RBM33: variants seen among roughly 807,000 people sequenced by gnomAD.
The protein encoded by RBM33 is RNA binding motif protein 33.
Under a neutral mutation model 132.6 loss-of-function variants are expected in RBM33, and 28 were observed. The ratio of observed to expected loss-of-function variants is 0.21; its 90% confidence interval spans 0.16 to 0.29. The LOEUF is 0.29. Ranked by LOEUF, RBM33 falls within the 10% of genes least tolerant of loss-of-function variation. RBM33 has a pLI of 1.00. For synonymous variants in RBM33, 634 were observed against 593.0 expected (o/e 1.07, Z -1.01); for missense variants, 1,291 against 1,518.5 (o/e 0.85, Z 2.49).
In RBM33 at chr7:155,653,018, G is replaced by A. The variant is rs554856783; in HGVS notation, c.43+8099G>A. Among the ~76,000 whole-genome samples, 9 of 152,250 alleles carry A rather than the reference G, an allele frequency of 5.9e-5. 1 individual carries two copies. Among genetic ancestry groups the A allele is most frequent in the Middle Eastern group, 6.8e-3 (2 of 294 alleles). ...GATGTCTTCAAGATTCATCAGTGTCGTAGCATGTGTCAGAACTTCCTTTTT... is the reference window on the plus strand; with the variant it reads ...GATGTCTTCAAGATTCATCAGTGTCATAGCATGTGTCAGAACTTCCTTTTT... On this transcript the variant is annotated intron_variant, in intron 1 of 17. Transcript: ENST00000401878.
At chr7:155,660,146 T>A (rs900994390) in intron 1 of RBM33, among the ~76,000 whole-genome samples, 1 of 152,226 alleles carries the variant, frequency 6.6e-6, no homozygotes, top group Admixed American at 6.5e-5. Context: ...CATAGCTGAC[T>A]GACTACACCC....
At chr7:155,714,087 C>T (rs1425379131) in intron 8 of RBM33, among the ~76,000 whole-genome samples, 6 of 151,852 alleles carry the variant, frequency 4.0e-5, no homozygotes, top group African/African-American at 1.2e-4. Context: ...AGTGGATGTG[C>T]GCAGGGATGG....
At chr7:155,653,073 A>G (rs927206851) in intron 1 of RBM33, among the ~76,000 whole-genome samples, 1 of 152,076 alleles carries the variant, frequency 6.6e-6, no homozygotes, top group Non-Finnish European at 1.5e-5. Context: ...TTATATATCT[A>G]TACTATTTTT....
At chr7:155,761,317 G>C (rs1390446708) in intron 14 of RBM33, among the ~76,000 whole-genome samples, 5 of 152,168 alleles carry the variant, frequency 3.3e-5, no homozygotes, top group African/African-American at 1.2e-4. Context: ...GTAATACCAG[G>C]CCCAAAGAAT....
chr7:155,655,723 C>A (rs1198942809), intron 1 of RBM33, among the ~76,000 whole-genome samples: 2 of 151,940 alleles, frequency 1.3e-5, no homozygotes, highest in Admixed American at 1.3e-4. Flanking sequence ...GCATAAAGGA[C>A]TTCTGTTTCG....
In RBM33 at chr7:155,762,840, C is replaced by T. The variant is rs961625791; in HGVS notation, c.2980-972C>T. On this transcript the variant is annotated intron_variant, in intron 14 of 17. Coordinates refer to ENST00000401878, the MANE Select transcript of RBM33 (RefSeq NM_053043.3). ...CTCCCTGTCGATGTTGAGAGTGGGC[C>T]TCGTGCTAATAAAAGCCTCCGTCTT... is the stretch of plus-strand genomic sequence containing the variant. 2.6e-5 allele frequency among the ~76,000 whole-genome samples: 4 copies of T among 152,304 alleles called. No individual in the cohort carries two copies. The East Asian group carries it at 7.7e-4, about 29-fold the overall frequency.
At position 155,644,794 on chromosome 7, in the gene RBM33, A is replaced by T; in HGVS notation, c.-83A>T. 2.5e-6 allele frequency: 3 copies of T among 1,202,852 alleles called. No individual in the cohort carries two copies. The highest frequency in any genetic ancestry group is 2.2e-6 in the Non-Finnish European group (2 of 904,676). The allele number at this position is 1,202,852 out of a possible 1,614,324, so 74.5% of individuals were successfully genotyped here. On this transcript the variant is annotated 5_prime_UTR_variant, in exon 1 of 18. Transcript: ENST00000401878. ...CCCCCTCCCTTCTCTGTCCTCCGTC[A>T]CCCGTACCCGGGCCCGGACCAGGCA... is the stretch of plus-strand genomic sequence containing the variant.
chr7:155,673,072 C>G lies in RBM33; in HGVS notation c.171+157C>G, dbSNP rs573584568. Among the ~76,000 whole-genome samples, 8 of 152,228 alleles carry G rather than the reference C, an allele frequency of 5.3e-5. No homozygotes were observed. In the South Asian group the frequency reaches 1.7e-3, roughly 32 times the overall value. On this transcript the variant is annotated intron_variant, in intron 3 of 17. Transcript: ENST00000401878. ...ATTTTTTAAGTGCGCAGGGAATTGACTGTTTATTAGTAAATTCTCTGGTAA... is the reference window on the plus strand; with the variant it reads ...ATTTTTTAAGTGCGCAGGGAATTGAGTGTTTATTAGTAAATTCTCTGGTAA...
At chr7:155,711,115 A>G (rs1218785851) in intron 7 of RBM33, 88 bp from the exon 8 acceptor site, 6 of 1,414,992 alleles carry the variant, frequency 4.2e-6, no homozygotes, top group African/African-American at 1.5e-5. Flanking sequence ...GTAACACATC[A>G]GCATTCTTTT....
At chr7:155,665,731 T>C (rs1011330736) in intron 2 of RBM33, among the ~76,000 whole-genome samples, 2 of 152,214 alleles carry the variant, frequency 1.3e-5, no homozygotes, top group African/African-American at 2.4e-5. Flanking sequence ...TGTTTAGGAA[T>C]ACACACAAAC....
At chr7:155,680,948 C>T in intron 5 of RBM33, 40 bp downstream of exon 5, 4 of 1,535,566 alleles carry the variant, frequency 2.6e-6, no homozygotes, top group African/African-American at 1.4e-5. Flanking sequence ...GATAACCTGG[C>T]TTCCCATGCA....
chr7:155,649,677 C>A (rs574486200), intron 1 of RBM33, among the ~76,000 whole-genome samples: 1 of 152,148 alleles, frequency 6.6e-6, no homozygotes, highest in African/African-American at 2.4e-5. Context: ...AATGACTTGC[C>A]AAATGAAGAG....
intron 5 of RBM33, among the ~76,000 whole-genome samples, chr7:155,683,231 G>T (rs534572358): frequency 2.0e-5 from 3 of 152,140 alleles, no homozygotes; most frequent in Non-Finnish European, 2.9e-5. Flanking sequence ...GAGGAGATAC[G>T]CAGAGAATTA....
Position 155,764,056 on chromosome 7 carries a change from G to A in RBM33, c.3186+38G>A, listed in dbSNP as rs375166600. ...GCCTCGCACGCAGCCCTGGAAACGC[G>A]AAGGCCGGTGTGAGGCAGTGTTCAG... On this transcript the variant is annotated intron_variant, in intron 15 of 17. Coordinates refer to ENST00000401878, the MANE Select transcript of RBM33 (RefSeq NM_053043.3). 381 of 1,456,468 alleles carry A rather than the reference G, an allele frequency of 2.6e-4. 3 individuals carry two copies. The highest frequency in any genetic ancestry group is 2.2e-3 in the Middle Eastern group (11 of 5,104). The allele number at this position is 1,456,468 out of a possible 1,614,324, so 90.2% of individuals were successfully genotyped here.
intron 7 of RBM33, among the ~76,000 whole-genome samples, chr7:155,708,508 AAAG>A (rs1800182751): frequency 6.6e-6 from 1 of 152,166 alleles, no homozygotes; most frequent in Non-Finnish European, 1.5e-5. Flanking sequence ...TCTTACCCAC[AAAG>A]AAGGGAAGAG....
chr7:155,707,627 G>T (rs1563153641), intron 7 of RBM33, among the ~76,000 whole-genome samples: 1 of 152,070 alleles, frequency 6.6e-6, no homozygotes, highest in African/African-American at 2.4e-5. Context: ...GCACATCTCA[G>T]AAACAAAGAC....
At chr7:155,698,178 C>G (rs1347792848) in intron 5 of RBM33, among the ~76,000 whole-genome samples, 1 of 152,056 alleles carries the variant, frequency 6.6e-6, no homozygotes, top group Non-Finnish European at 1.5e-5. Flanking sequence ...ACCAGCCTGA[C>G]CAACATGGTG....
chr7:155,712,877 G>T (rs993768602), intron 8 of RBM33, among the ~76,000 whole-genome samples: 1 of 152,230 alleles, frequency 6.6e-6, no homozygotes, highest in Admixed American at 6.5e-5. Context: ...TTGAGCAGAG[G>T]AATGACGTGA....
rs778741623 is a variant in RBM33, at chr7:155,711,247, G to C, written c.993G>C (p.Pro331=). Residue 331 remains proline (P), a synonymous_variant, in exon 8 of 18, where the codon CCG becomes CCC. Coordinates refer to ENST00000401878, the MANE Select transcript of RBM33 (RefSeq NM_053043.3). ...CGCCACCGCCGCCTCAGCAGCAGCC[G>C]ATCAGAAGCCTGTTCCAGCCGCAGC... is the stretch of plus-strand genomic sequence containing the variant. ...PPPPPPPQQQ[P]IRSLFQPQPL... is the part of the protein sequence containing the mutation. 1.3e-6 allele frequency: 2 copies of C among 1,597,300 alleles called. No homozygotes were observed. The highest frequency in any genetic ancestry group is 1.7e-5 in the Admixed American group (1 of 57,448).
Sources: allele counts gnomAD v4.1 joint callset (sites outside exome capture counted in the v4.1 genomes callset), GRCh38; gene constraint gnomAD v4.1.1; transcripts MANE v1.5; gene names NCBI Gene and HGNC (gene_info 2026-07-23, HGNC 2026-07-21).